The following MAF variants were observed in gnomAD, a reference collection of about 807,000 sequenced individuals.
MAF encodes the protein MAF bZIP transcription factor.
In MAF, 10 loss-of-function variants were observed where a neutral mutation model predicts 22.0. The ratio of observed to expected loss-of-function variants is 0.45; its 90% CI spans 0.28 to 0.77. MAF has a LOEUF of 0.77. Ranked by LOEUF, MAF falls within the 30% of genes least tolerant of loss-of-function variation. The pLI is 0.12. For missense variants in MAF, 544 were observed against 548.4 expected (o/e 0.99, Z 0.08); for synonymous variants, 337 against 255.8 (o/e 1.32, Z -3.03).
the MAF span, among the ~76,000 whole-genome samples, chr16:79,500,692 C>G: frequency 1.3e-5 from 2 of 152,108 alleles, no homozygotes; most frequent in African/African-American, 4.8e-5. Flanking sequence ...TAGGACTCGT[C>G]TCTGGGAAAG....
chr16:79,456,641 C>A, the MAF span, among the ~76,000 whole-genome samples: 1 of 152,168 alleles, frequency 6.6e-6, no homozygotes, highest in African/African-American at 2.4e-5. Flanking sequence ...CAACTGTAAG[C>A]TAACAGATGA....
chr16:79,399,411 G>T, the MAF span, among the ~76,000 whole-genome samples: 3 of 152,154 alleles, frequency 2.0e-5, no homozygotes, highest in African/African-American at 7.2e-5. Context: ...GGTTCAGTAG[G>T]GTTGGCTGGA....
the MAF span, among the ~76,000 whole-genome samples, chr16:79,341,462 C>G: frequency 5.9e-5 from 9 of 152,314 alleles, no homozygotes; most frequent in African/African-American, 1.7e-4. Flanking sequence ...TCTTTGGTAT[C>G]TCTTCTCAAC....
At chr16:79,262,577 T>G in the MAF span, among the ~76,000 whole-genome samples, 1 of 152,022 alleles carries the variant, frequency 6.6e-6, no homozygotes, top group Non-Finnish European at 1.5e-5. Context: ...CATGGAGGTG[T>G]GACAATGGCA....
chr16:79,325,461 G>A, the MAF span, among the ~76,000 whole-genome samples: 1 of 152,094 alleles, frequency 6.6e-6, no homozygotes, highest in Admixed American at 6.6e-5. Context: ...TCAGAGAGAG[G>A]AAGCAACTGG....
the MAF span, among the ~76,000 whole-genome samples, chr16:79,367,654 C>T: frequency 8.4e-4 from 128 of 152,280 alleles, no homozygotes; most frequent in South Asian, 9.3e-3. Context: ...GACTACTGAG[C>T]ACTGGAAAGG....
the MAF span, among the ~76,000 whole-genome samples, chr16:79,550,807 GGTTCC>G: frequency 1.3e-5 from 2 of 152,098 alleles, no homozygotes; most frequent in East Asian, 3.9e-4. Flanking sequence ...TCTGTATGTA[GGTTCC>G]CAACCAGGTT....
the MAF span, among the ~76,000 whole-genome samples, chr16:79,465,931 C>A: frequency 6.6e-6 from 1 of 152,130 alleles, no homozygotes; most frequent in African/African-American, 2.4e-5. Flanking sequence ...GATACATTTG[C>A]AAATATTAAA....
At chr16:79,558,598 T>C in the MAF span, among the ~76,000 whole-genome samples, 23 of 152,258 alleles carry the variant, frequency 1.5e-4, no homozygotes, top group East Asian at 4.4e-3. Context: ...GAGGGGAGTA[T>C]GAGGATAGCT....
the MAF span, among the ~76,000 whole-genome samples, chr16:79,394,784 G>A: frequency 0.011 from 1,658 of 152,224 alleles, 31 homozygotes; most frequent in African/African-American, 0.038. Flanking sequence ...TGCAACCTAG[G>A]TAGCAGGTTT....
the MAF span, among the ~76,000 whole-genome samples, chr16:79,436,418 C>A: frequency 1.3e-5 from 2 of 152,314 alleles, no homozygotes; most frequent in South Asian, 4.1e-4. Context: ...TCATTTTAAA[C>A]AACATTTGCA....
the MAF span, among the ~76,000 whole-genome samples, chr16:79,469,557 T>C: frequency 1.3e-5 from 2 of 152,200 alleles, no homozygotes; most frequent in African/African-American, 4.8e-5. Context: ...GAGCTAGGTA[T>C]TTTTATATGC....
the MAF span, among the ~76,000 whole-genome samples, chr16:79,300,749 T>C: frequency 1.3e-5 from 2 of 152,102 alleles, no homozygotes; most frequent in African/African-American, 4.8e-5. Context: ...ATATACATTT[T>C]ATTATATGTT....
the MAF span, among the ~76,000 whole-genome samples, chr16:79,546,000 A>G: frequency 6.6e-6 from 1 of 152,262 alleles, no homozygotes; most frequent in East Asian, 1.9e-4. Flanking sequence ...ACATACTTTA[A>G]AACATTATAC....
chr16:79,275,813 T>A, the MAF span, among the ~76,000 whole-genome samples: 33 of 152,242 alleles, frequency 2.2e-4, no homozygotes, highest in African/African-American at 7.9e-4. Flanking sequence ...GGAAAGGAAG[T>A]TCATTGGAAA....
At chr16:79,440,252 C>T in the MAF span, among the ~76,000 whole-genome samples, 2 of 152,296 alleles carry the variant, frequency 1.3e-5, no homozygotes, top group Non-Finnish European at 2.9e-5. Context: ...GGCCCCAGCA[C>T]ATGCTGCCTT....
At chr16:79,506,063 T>C in the MAF span, among the ~76,000 whole-genome samples, 1 of 152,056 alleles carries the variant, frequency 6.6e-6, no homozygotes, top group Non-Finnish European at 1.5e-5. Flanking sequence ...TTTCCCAGGC[T>C]ATAAGGAAGG....
chr16:79,469,570 G>T, the MAF span, among the ~76,000 whole-genome samples: 1 of 151,896 alleles, frequency 6.6e-6, no homozygotes, highest in East Asian at 1.9e-4. Context: ...TTATATGCAA[G>T]GTCTCATTTA....
the MAF span, among the ~76,000 whole-genome samples, chr16:79,232,913 T>C: frequency 6.8e-6 from 1 of 146,950 alleles, no homozygotes; most frequent in Non-Finnish European, 1.5e-5. Flanking sequence ...CCATCTTGGC[T>C]CACTGCAAGC....
Sources: gnomAD v4.1 joint callset for allele counts (sites outside exome capture counted in the v4.1 genomes callset) on GRCh38, gnomAD v4.1.1 for gene constraint, MANE v1.5 for transcripts, NCBI Gene and HGNC (gene_info 2026-07-23, HGNC 2026-07-21) for gene names.